BCAS3: variants seen among roughly 807,000 people sequenced by gnomAD.
BCAS3 encodes BCAS4/BCAS3 fusion.
Under a neutral mutation model 116.1 loss-of-function variants are expected in BCAS3, and 53 were observed. The observed-to-expected ratio is 0.46, with a 90% CI of 0.37 to 0.57. BCAS3 has a LOEUF of 0.57. Ranked by LOEUF, BCAS3 falls within the 20% of genes least tolerant of loss-of-function variation. The pLI is 0.00. For synonymous variants in BCAS3, 391 were observed against 408.2 expected (o/e 0.96, Z 0.51); for missense variants, 917 against 1,165.4 (o/e 0.79, Z 3.10).
intron 22 of BCAS3, among the ~76,000 whole-genome samples, chr17:61,175,165 C>T (rs761044086): frequency 3.9e-5 from 6 of 152,206 alleles, no homozygotes; most frequent in Middle Eastern, 3.4e-3. Context: ...CCAGCACTTT[C>T]GGAGGCCAAG....
At chr17:61,372,997 T>C (rs1010263581) in intron 23 of BCAS3, among the ~76,000 whole-genome samples, 4 of 152,200 alleles carry the variant, frequency 2.6e-5, no homozygotes, top group African/African-American at 4.8e-5. Context: ...TCAATAACTG[T>C]AGCTGCACCT....
chr17:61,284,440 C>T (rs1416891913), intron 22 of BCAS3, among the ~76,000 whole-genome samples: 1 of 152,188 alleles, frequency 6.6e-6, no homozygotes, highest in African/African-American at 2.4e-5. Context: ...ACACTGGACA[C>T]ATCTGAACAT....
chr17:60,845,245 A>G (rs1381038812), intron 7 of BCAS3, among the ~76,000 whole-genome samples: 1 of 152,352 alleles, frequency 6.6e-6, no homozygotes, highest in Non-Finnish European at 1.5e-5. Context: ...AAATAAATAG[A>G]TAACCCCAAC....
At position 61,050,413 on chromosome 17, in the gene BCAS3, A is replaced by G. The variant is rs143362964; in HGVS notation, c.2029+9521A>G. 2.5e-4 allele frequency among the ~76,000 whole-genome samples: 38 copies of G among 152,104 alleles called. 1 individual carries two copies. The East Asian group carries it at 7.1e-3, about 29-fold the overall frequency. On this transcript the variant is annotated intron_variant, in intron 19 of 23. Transcript: ENST00000407086. ...TGTGTGTGTACCTACGCATGTGTGT[A>G]TATATATGTGTGTACACAGTAGCAT...
In BCAS3 at chr17:61,356,928, C is replaced by T. The variant is rs1430571046; in HGVS notation, c.2426-11399C>T. On this transcript the variant is annotated intron_variant, in intron 22 of 23. Transcript: ENST00000407086. The surrounding 1 kb of genome is among the most constrained non-coding windows in gnomAD (Gnocchi z 5.4). ...ATGGGCCATGGAGCTGCAGGCTCAC[C>T]TGCCCCCGGCTGAGTCAGGACCGAG... is the stretch of plus-strand genomic sequence containing the variant. 3 of 152,264 alleles carry T rather than the reference C, an allele frequency of 2.0e-5. No individual in the cohort carries two copies. Among genetic ancestry groups the T allele is most frequent in the African/African-American group, 4.8e-5 (2 of 41,472 alleles). 9.4% of individuals were successfully genotyped at this position (152,264 alleles called of 1,614,324 possible). A position where few individuals can be genotyped will look rare whatever the true frequency, so the allele number is the denominator to read the frequency against.
chr17:60,877,837 G>T (rs1395044261), intron 9 of BCAS3, among the ~76,000 whole-genome samples: 1 of 152,058 alleles, frequency 6.6e-6, no homozygotes. Context: ...CATGGGTTGG[G>T]CATTCCTTAA....
At chr17:61,010,323 T>C (rs1422210561) in intron 15 of BCAS3, among the ~76,000 whole-genome samples, 2 of 151,994 alleles carry the variant, frequency 1.3e-5, no homozygotes, top group African/African-American at 2.4e-5. Flanking sequence ...AGCAAAACTT[T>C]TAGTAAACAG....
rs2049203245 is a variant in BCAS3, at chr17:61,261,540, A to G, written c.2426-106787A>G. Reference sequence around the variant, plus strand: ...ACTCTTCTGTTATTACATTCATTAGAAAAAAGAGCTGTTTATTTCTTTTCC... The same window carrying G: ...ACTCTTCTGTTATTACATTCATTAGGAAAAAGAGCTGTTTATTTCTTTTCC... On this transcript the variant is annotated intron_variant, in intron 22 of 23. Coordinates refer to ENST00000407086, the MANE Select transcript of BCAS3 (RefSeq NM_017679.5). The surrounding 1 kb of genome is among the most constrained non-coding windows in gnomAD (Gnocchi z 4.4). Among the ~76,000 whole-genome samples, 1 of 152,198 alleles carries G rather than the reference A, an allele frequency of 6.6e-6. No homozygotes were observed. Among genetic ancestry groups the G allele is most frequent in the African/African-American group, 2.4e-5 (1 of 41,462 alleles).
At chr17:60,744,585 G>A (rs928595208) in intron 5 of BCAS3, among the ~76,000 whole-genome samples, 4 of 152,124 alleles carry the variant, frequency 2.6e-5, no homozygotes, top group Non-Finnish European at 5.9e-5. Context: ...GACATTTTGT[G>A]ACTCACATAG....
rs1162086790 is a variant in BCAS3 at position 61,136,133 on chromosome 17, C to A, written c.2425+51569C>A. 6.6e-6 allele frequency among the ~76,000 whole-genome samples: 1 copy of A among 152,194 alleles called. No homozygotes were observed. Among genetic ancestry groups the A allele is most frequent in the Non-Finnish European group, 1.5e-5 (1 of 68,036 alleles). On this transcript the variant is annotated intron_variant, in intron 22 of 23. Transcript: ENST00000407086. The surrounding 1 kb of genome is among the most constrained non-coding windows in gnomAD (Gnocchi z 4.4). ...CTCAACTACTAGCACCTCTTAGACTCCAAAATGCTTTGCACCTATTTAAAT... is the reference window on the plus strand; with the variant it reads ...CTCAACTACTAGCACCTCTTAGACTACAAAATGCTTTGCACCTATTTAAAT...
At position 61,139,489 on chromosome 17, in the gene BCAS3, T is replaced by G. The variant is rs977338459; in HGVS notation, c.2425+54925T>G. Among the ~76,000 whole-genome samples, 1 of 152,212 alleles carries G rather than the reference T, an allele frequency of 6.6e-6. No individual in the cohort carries two copies. Among genetic ancestry groups the G allele is most frequent in the Non-Finnish European group, 1.5e-5 (1 of 68,038 alleles). On this transcript the variant is annotated intron_variant, in intron 22 of 23. Coordinates refer to ENST00000407086, the MANE Select transcript of BCAS3 (RefSeq NM_017679.5). The surrounding 1 kb of genome is among the most constrained non-coding windows in gnomAD (Gnocchi z 4.7). ...CATTCTGGGCACACATCATCTGGGC[T>G]CAGTGCGGGCTTTGTTTATAGCAGA...
At chr17:61,114,003 A>G (rs1456506215) in intron 22 of BCAS3, among the ~76,000 whole-genome samples, 3 of 151,138 alleles carry the variant, frequency 2.0e-5, no homozygotes, top group Non-Finnish European at 2.9e-5. Flanking sequence ...GATTATCTCA[A>G]TAGATGCAGA....
intron 22 of BCAS3, among the ~76,000 whole-genome samples, chr17:61,298,238 T>C (rs2053112469): frequency 6.6e-6 from 1 of 152,122 alleles, no homozygotes; most frequent in Admixed American, 6.5e-5. Context: ...TAAATTGTAG[T>C]TCCCAACACA....
chr17:61,020,279 G>T lies in BCAS3; in HGVS notation c.1637+4378G>T, dbSNP rs773157103. Among the ~76,000 whole-genome samples the T allele has an allele frequency of 6.6e-6, 1 of 152,184 alleles. No homozygotes were observed. Among genetic ancestry groups the T allele is most frequent in the Admixed American group, 6.5e-5 (1 of 15,282 alleles). ...CAAATACATATGCCTGAAAGCCTGT[G>T]CAGTGTCAGGGACCATCTGTCTCAC... On this transcript the variant is annotated intron_variant, in intron 16 of 23. Coordinates refer to ENST00000407086, the MANE Select transcript of BCAS3 (RefSeq NM_017679.5). The surrounding 1 kb of genome is among the most constrained non-coding windows in gnomAD (Gnocchi z 4.5).
At chr17:60,719,579 AGAATAAGAT>A (rs2039021811) in intron 5 of BCAS3, among the ~76,000 whole-genome samples, 1 of 152,232 alleles carries the variant, frequency 6.6e-6, no homozygotes, top group Non-Finnish European at 1.5e-5. Context: ...TGTAGTCATG[AGAATAAGAT>A]ACAGAATTTT....
intron 7 of BCAS3, among the ~76,000 whole-genome samples, chr17:60,833,093 C>G (rs1030704674): frequency 6.6e-6 from 1 of 152,070 alleles, no homozygotes; most frequent in African/African-American, 2.4e-5. Flanking sequence ...TCTCAAACTC[C>G]TGAGCTCAAG....
chr17:60,971,636 A>G (rs549120450), intron 14 of BCAS3, among the ~76,000 whole-genome samples: 116 of 152,334 alleles, frequency 7.6e-4, no homozygotes, highest in Non-Finnish European at 1.4e-3. Context: ...AGGTATTTAA[A>G]GGAAGCTCTG....
At chr17:61,299,843 A>G (rs2053288648) in intron 22 of BCAS3, among the ~76,000 whole-genome samples, 1 of 152,216 alleles carries the variant, frequency 6.6e-6, no homozygotes, top group African/African-American at 2.4e-5. Context: ...TTATCCCAGG[A>G]GAACTGTATT....
At chr17:60,985,634 G>A (rs147244312) in intron 14 of BCAS3, among the ~76,000 whole-genome samples, 4 of 151,438 alleles carry the variant, frequency 2.6e-5, no homozygotes, top group East Asian at 1.9e-4. Flanking sequence ...TCTATTTTTC[G>A]TACCCATTAG....
Sources: gnomAD v4.1 joint callset for allele counts (sites outside exome capture counted in the v4.1 genomes callset) on GRCh38, gnomAD v4.1.1 for gene constraint, Gnocchi (gnomAD v3.1) non-coding constraint, MANE v1.5 for transcripts, NCBI Gene and HGNC (gene_info 2026-07-23, HGNC 2026-07-21) for gene names.